MECOM: variants seen among roughly 807,000 people sequenced by gnomAD.
The protein encoded by MECOM is MDS1 and EVI1 complex locus.
MECOM carries 13 observed loss-of-function variants against 116.3 expected under a neutral mutation model. The ratio of observed to expected loss-of-function variants is 0.11; its 90% CI spans 0.07 to 0.18. MECOM has a LOEUF of 0.18. MECOM is among the 10% of genes least tolerant of loss of function. The probability of loss-of-function intolerance (pLI) is 1.00; values close to 1 mark genes in which losing one functional copy is unlikely to be tolerated. For missense variants in MECOM, 1,299 were observed against 1,509.0 expected, an observed-to-expected ratio of 0.86 and a Z score of 2.31; for synonymous variants, 528 against 535.2, an observed-to-expected ratio of 0.99 and a Z score of 0.19.
intron 3 of MECOM, chr3:169,133,897 A>C: frequency 7.8e-7 from 1 of 1,285,908 alleles, no homozygotes; most frequent in Non-Finnish European, 1.0e-6. Context: ...GACTTCTCTC[A>C]ACAGTTTGAA....
At chr3:169,623,015 AC>A (rs1435353090) in intron 1 of MECOM, among the ~76,000 whole-genome samples, 1 of 152,244 alleles carries the variant, frequency 6.6e-6, no homozygotes, top group Non-Finnish European at 1.5e-5. Context: ...TCTTTAGTAT[AC>A]ATCTGTGACA....
intron 1 of MECOM, among the ~76,000 whole-genome samples, chr3:169,415,019 G>A (rs568383745): frequency 6.6e-6 from 1 of 152,228 alleles, no homozygotes; most frequent in South Asian, 2.1e-4. Context: ...TTCAAATTCA[G>A]GAAATACAGA....
chr3:169,445,457 A>G (rs535744821), intron 1 of MECOM, among the ~76,000 whole-genome samples: 1 of 152,362 alleles, frequency 6.6e-6, no homozygotes, highest in Admixed American at 6.5e-5. Context: ...CACAGAAGTT[A>G]CGAATTGAGG....
intron 2 of MECOM, among the ~76,000 whole-genome samples, chr3:169,356,404 A>G (rs1727286602): frequency 1.3e-5 from 2 of 151,914 alleles, no homozygotes; most frequent in Non-Finnish European, 2.9e-5. Context: ...AAGAAACTAT[A>G]AAGCTTGTGG....
intron 2 of MECOM, among the ~76,000 whole-genome samples, chr3:169,247,536 T>G (rs1160775325): frequency 2.0e-5 from 3 of 152,188 alleles, no homozygotes; most frequent in Non-Finnish European, 4.4e-5. Context: ...ACTCCCGACC[T>G]CAGGTGATCT....
At chr3:169,088,340 C>G (rs912840224) in intron 16 of MECOM, among the ~76,000 whole-genome samples, 5 of 152,092 alleles carry the variant, frequency 3.3e-5, no homozygotes, top group Admixed American at 1.3e-4. Flanking sequence ...TATTTATGGA[C>G]CCTTAAATAG....
At chr3:169,640,828 G>A (rs1773382053) in intron 1 of MECOM, among the ~76,000 whole-genome samples, 2 of 152,202 alleles carry the variant, frequency 1.3e-5, no homozygotes, top group Non-Finnish European at 2.9e-5. Context: ...CAGAAAGAGA[G>A]ACAGGCTCTG....
At chr3:169,425,665 C>T (rs62294336) in intron 1 of MECOM, among the ~76,000 whole-genome samples, 8,789 of 151,988 alleles carry the variant, frequency 0.058, 267 homozygotes, top group Non-Finnish European at 0.066. Flanking sequence ...AAACAGTAAG[C>T]GATAGAGCAT....
At chr3:169,642,519 CAA>C (rs199958924) in intron 1 of MECOM, among the ~76,000 whole-genome samples, 1 of 133,118 alleles carries the variant, frequency 7.5e-6, no homozygotes, top group Admixed American at 7.5e-5. Context: ...CAACTAACAA[CAA>C]AAAAAAAAAG....
chr3:169,478,918 T>C lies in MECOM; in HGVS notation c.38-97394A>G, dbSNP rs188467650. The stretch of plus-strand genomic sequence containing the variant: ...TGTGGAACACAGTAGGACTCCACAA[T>C]CTTGTAATGCTACAATGATGTAGTC... On this transcript the variant is annotated intron_variant, in intron 1 of 16. Coordinates refer to ENST00000651503, the MANE Select transcript of MECOM (RefSeq NM_004991.4). Among the ~76,000 whole-genome samples, 991 of 152,336 alleles carry C rather than the reference T, an allele frequency of 6.5e-3. 15 individuals carry two copies. The highest frequency in any genetic ancestry group is 0.023 in the African/African-American group (941 of 41,588).
chr3:169,485,933 G>GATAC (rs1752167891), intron 1 of MECOM, among the ~76,000 whole-genome samples: 1 of 100,278 alleles, frequency 1.0e-5, no homozygotes, highest in Non-Finnish European at 1.9e-5. Flanking sequence ...AGTATATATA[G>GATAC]TATATATGTA....
At chr3:169,278,505 A>T (rs1400286282) in intron 2 of MECOM, among the ~76,000 whole-genome samples, 1 of 152,256 alleles carries the variant, frequency 6.6e-6, no homozygotes, top group Admixed American at 6.5e-5. Context: ...ATTGTAACAT[A>T]AAAGCCAACA....
intron 1 of MECOM, among the ~76,000 whole-genome samples, chr3:169,589,391 T>A (rs2109619048): frequency 6.6e-6 from 1 of 152,206 alleles, no homozygotes. Flanking sequence ...ATAGGCCAAA[T>A]TCGGCCATCC....
chr3:169,488,012 T>G (rs1330689875), intron 1 of MECOM, among the ~76,000 whole-genome samples: 1 of 152,120 alleles, frequency 6.6e-6, no homozygotes, highest in Non-Finnish European at 1.5e-5. Context: ...ATTTATTTAT[T>G]CCAATAGGCT....
chr3:169,526,411 C>T (rs867481396), intron 1 of MECOM, among the ~76,000 whole-genome samples: 2 of 152,202 alleles, frequency 1.3e-5, no homozygotes, highest in African/African-American at 2.4e-5. Context: ...CTTAGGAAAA[C>T]GTTTTGACAC....
rs747301473 is a variant in MECOM, at chr3:169,084,959, C to T, written c.3670G>A (p.Ala1224Thr). 6.2e-7 allele frequency: 1 copy of T among 1,614,080 alleles called. No homozygotes were observed. The highest frequency in any genetic ancestry group is 8.5e-7 in the Non-Finnish European group (1 of 1,180,004). Residue 1224 changes from alanine to threonine, a missense_variant, in exon 17 of 17, where the codon GCC (alanine) becomes ACC (threonine). By Grantham distance (58) the Ala-to-Thr change is moderately conservative. Around this residue, in one of 6 missense-constraint regions of MECOM, gnomAD observed 273 missense variants for 289.3 expected, o/e 0.94. Coordinates refer to ENST00000651503, the MANE Select transcript of MECOM (RefSeq NM_004991.4). ...GCACTGGATTCCGCCGCAGCCCTGGCCATACTGTGCCACACGTTGGAAGAA... is the reference window on the plus strand; with the variant it reads ...GCACTGGATTCCGCCGCAGCCCTGGTCATACTGTGCCACACGTTGGAAGAA... ...HSSSNVWHSM[A>T]RAAAESSAIQ...
At chr3:169,300,855 G>T (rs1332627276) in intron 2 of MECOM, among the ~76,000 whole-genome samples, 1 of 152,154 alleles carries the variant, frequency 6.6e-6, no homozygotes. Flanking sequence ...TTCTATACTG[G>T]AGCCTGGGGT....
chr3:169,095,301 G>C, intron 12 of MECOM, 56 bp from the exon 13 acceptor site: 1 of 1,464,852 alleles, frequency 6.8e-7, no homozygotes, highest in Non-Finnish European at 9.2e-7. Flanking sequence ...TATTTCTCAA[G>C]ACTAGTTAGC....
rs71634436 is a variant in MECOM, at chr3:169,649,409, CAAAA to C, written c.37+13923_37+13926del. Reference sequence around the variant, plus strand: ...GGGCGGCAAGAGCGAAACTCCATCTCAAAAAAAAAAAAAAAAAAAATAGGAAAAC... The same window carrying C: ...GGGCGGCAAGAGCGAAACTCCATCTCAAAAAAAAAAAAAAAATAGGAAAAC... On this transcript the variant is annotated intron_variant, in intron 1 of 16. Transcript: ENST00000651503. Among the ~76,000 whole-genome samples the C allele has an allele frequency of 4.3e-4, 32 of 74,448 alleles. 1 individual carries two copies. Among genetic ancestry groups the C allele is most frequent in the East Asian group, 7.4e-4 (2 of 2,688 alleles). 48.8% of individuals were successfully genotyped at this position (74,448 alleles called of 152,430 possible).
Sources: allele counts gnomAD v4.1 joint callset (sites outside exome capture counted in the v4.1 genomes callset), GRCh38; gene constraint gnomAD v4.1.1; regional missense constraint gnomAD v4.1.1; transcripts MANE v1.5; gene names NCBI Gene and HGNC (gene_info 2026-07-23, HGNC 2026-07-21).